The following PACSIN3 variants were observed in gnomAD, a reference collection of about 807,000 sequenced individuals.
PACSIN3 encodes protein kinase C and casein kinase substrate in neurons protein 3.
A neutral mutation model predicts 56.1 loss-of-function variants in PACSIN3; 34 were observed. The observed-to-expected ratio is 0.61, with a 90% CI of 0.46 to 0.81. PACSIN3 has a LOEUF of 0.81. Among genes scored for constraint, PACSIN3 ranks in the 30% least tolerant of loss-of-function variants. PACSIN3 has a pLI of 0.00. For synonymous variants in PACSIN3, 218 were observed against 229.8 expected, an observed-to-expected ratio of 0.95 and a Z score of 0.46; for missense variants, 535 against 592.4, an observed-to-expected ratio of 0.90 and a Z score of 1.01.
In PACSIN3 at chr11:47,186,124, C is replaced by T. The variant is rs566269537; in HGVS notation, c.-104+225G>A. ...CTCAGCCCTCCAGCGCCGGCGCCGCCTCCCCCGGGCGGCCTGCGGAATTGC... is the reference window on the plus strand; with the variant it reads ...CTCAGCCCTCCAGCGCCGGCGCCGCTTCCCCCGGGCGGCCTGCGGAATTGC... On this transcript the variant is annotated intron_variant, in intron 1 of 10. Coordinates refer to ENST00000298838, the MANE Select transcript of PACSIN3 (RefSeq NM_016223.5). This position sits in a 1 kb window ranked among gnomAD's most constrained non-coding sequence, Gnocchi z 4.5. 1.6e-3 allele frequency among the ~76,000 whole-genome samples: 242 copies of T among 152,146 alleles called. No individual in the cohort carries two copies. The highest frequency in any genetic ancestry group is 5.6e-3 in the African/African-American group (233 of 41,544).
intron 5 of PACSIN3, 35 bp downstream of exon 5, chr11:47,180,420 A>C (rs769753746): frequency 6.3e-7 from 1 of 1,593,410 alleles, no homozygotes; most frequent in African/African-American, 1.3e-5. Flanking sequence ...AACAGGAAGG[A>C]GCCTGTCTCG....
Position 47,179,527 on chromosome 11 carries a change from C to T in PACSIN3, c.663G>A (p.Met221Ile), listed in dbSNP as rs1463381824. 3 of 1,613,836 alleles carry T rather than the reference C, an allele frequency of 1.9e-6. No homozygotes were observed. Among genetic ancestry groups the T allele is most frequent in the East Asian group, 2.2e-5 (1 of 44,908 alleles). ...AELHRYTPRY[M>I]EDMEQAFETC... Reference sequence around the variant, plus strand: ...TCTCAAAGGCCTGTTCCATGTCCTCCATGTAGCGTGGAGTGTAGCGATGCA... The same window carrying T: ...TCTCAAAGGCCTGTTCCATGTCCTCTATGTAGCGTGGAGTGTAGCGATGCA... The change falls in exon 7 of 11, where the codon ATG becomes ATA. Residue 221 changes from methionine to isoleucine, a missense_variant. By Grantham distance (10) the Met-to-Ile change is conservative. Coordinates refer to ENST00000298838, the MANE Select transcript of PACSIN3 (RefSeq NM_016223.5). The surrounding 1 kb of genome is among the most constrained non-coding windows in gnomAD (Gnocchi z 4.4).
Position 47,180,379 on chromosome 11 carries a change from A to G in PACSIN3, c.448-38T>C, listed in dbSNP as rs116214112. On this transcript the variant is annotated intron_variant, in intron 5 of 10. Coordinates refer to ENST00000298838, the MANE Select transcript of PACSIN3 (RefSeq NM_016223.5). ...GAGACCACTCTGGACCCTGGATGCCACACCTTGGCCCCCTCGATCCCTTGC... is the reference window on the plus strand; with the variant it reads ...GAGACCACTCTGGACCCTGGATGCCGCACCTTGGCCCCCTCGATCCCTTGC... 4,207 of 1,600,302 alleles carry G rather than the reference A, an allele frequency of 2.6e-3. 105 individuals are homozygous for G. The African/African-American group carries it at 0.051, about 19-fold the overall frequency.
chr11:47,179,323 T>G lies in PACSIN3; in HGVS notation c.780-44A>C. On this transcript the variant is annotated intron_variant, in intron 7 of 10. Coordinates refer to ENST00000298838, the MANE Select transcript of PACSIN3 (RefSeq NM_016223.5). The surrounding 1 kb of genome is among the most constrained non-coding windows in gnomAD (Gnocchi z 4.4). ...CCCTCAGTCTAGGAAGTCTAGACCC[T>G]GCATCCCTCAGTCCCAGCCAGGGCC... is the stretch of plus-strand genomic sequence containing the variant. 2 of 1,613,814 alleles carry G rather than the reference T, an allele frequency of 1.2e-6. No individual in the cohort carries two copies. Among genetic ancestry groups the G allele is most frequent in the Non-Finnish European group, 8.5e-7 (1 of 1,179,928 alleles).
At position 47,177,864 on chromosome 11, in the gene PACSIN3, G is replaced by C. The variant is rs532192616; in HGVS notation, c.*67C>G. On this transcript the variant is annotated 3_prime_UTR_variant, in exon 11 of 11. Transcript: ENST00000298838. ...CGACGGTTCAGGGCCCTGAGGGTCC[G>C]GCTCTCCAGGAGAAGCTGGGCTCTG... 2 of 1,261,730 alleles carry C rather than the reference G, an allele frequency of 1.6e-6. No homozygotes were observed. The highest frequency in any genetic ancestry group is 2.4e-5 in the South Asian group (2 of 83,438). The allele number at this position is 1,261,730 out of a possible 1,614,324, so 78.2% of individuals were successfully genotyped here. A position where few individuals can be genotyped will look rare whatever the true frequency, so the allele number is the denominator to read the frequency against.
At chr11:47,181,118 C>G (rs1256339575) in intron 4 of PACSIN3, among the ~76,000 whole-genome samples, 1 of 152,030 alleles carries the variant, frequency 6.6e-6, no homozygotes, top group Admixed American at 6.6e-5. Flanking sequence ...AAAAATTAGC[C>G]GGGCATGGTG....
Position 47,180,532 on chromosome 11 carries a change from C to T in PACSIN3, c.370G>A (p.Gly124Ser). ...GCCGCCCGGCTCTCGCGGAAGCCGC[C>T]CAGCACAGGCCGGTGGAAAGCCCCC... ...QRGAFHRPVL[G>S]GFRESRAAED... is the part of the protein sequence containing the mutation. Residue 124 changes from glycine (G) to serine (S), a missense_variant, in exon 5 of 11, where the codon GGC becomes AGC. Gly to Ser is a moderately conservative substitution (Grantham distance 56, BLOSUM62 0). Coordinates refer to ENST00000298838, the MANE Select transcript of PACSIN3 (RefSeq NM_016223.5). The T allele has an allele frequency of 6.2e-7, 1 of 1,604,090 alleles. No homozygotes were observed.
In PACSIN3 at chr11:47,179,713, G is replaced by C. The variant is rs749732869; in HGVS notation, c.604-127C>G. On this transcript the variant is annotated intron_variant, in intron 6 of 10. Coordinates refer to ENST00000298838, the MANE Select transcript of PACSIN3 (RefSeq NM_016223.5). The surrounding 1 kb of genome is among the most constrained non-coding windows in gnomAD (Gnocchi z 4.4). Reference sequence around the variant, plus strand: ...AGCCACTAGGGGCAATCAGTCCCAAGACCCAGCTCCTGCCCTCAAGGACCC... The same window carrying C: ...AGCCACTAGGGGCAATCAGTCCCAACACCCAGCTCCTGCCCTCAAGGACCC... 1.2e-6 allele frequency: 1 copy of C among 842,640 alleles called. No homozygotes were observed. Among genetic ancestry groups the C allele is most frequent in the South Asian group, 1.8e-5 (1 of 56,506 alleles). The allele number at this position is 842,640 out of a possible 1,614,324, so 52.2% of individuals were successfully genotyped here.
rs781537335 is a variant in PACSIN3 at position 47,179,065 on chromosome 11, T to A, written c.901-35A>T. 6.2e-7 allele frequency: 1 copy of A among 1,614,028 alleles called. No individual in the cohort carries two copies. The highest frequency in any genetic ancestry group is 8.5e-7 in the Non-Finnish European group (1 of 1,179,950). On this transcript the variant is annotated intron_variant, in intron 8 of 10. Coordinates refer to ENST00000298838, the MANE Select transcript of PACSIN3 (RefSeq NM_016223.5). This position sits in a 1 kb window ranked among gnomAD's most constrained non-coding sequence, Gnocchi z 4.4. The stretch of plus-strand genomic sequence containing the variant: ...CAGTGCTTATAGTCAGGTGGGGCCA[T>A]CTGAACCACCTTCACTTACTTCATC...
rs1015487311 is a variant in PACSIN3 at position 47,186,164 on chromosome 11, C to G, written c.-104+185G>C. 2.6e-5 allele frequency among the ~76,000 whole-genome samples: 4 copies of G among 151,976 alleles called. No homozygotes were observed. The highest frequency in any genetic ancestry group is 2.6e-4 in the Admixed American group (4 of 15,272). On this transcript the variant is annotated intron_variant, in intron 1 of 10. Transcript: ENST00000298838. The surrounding 1 kb of genome is among the most constrained non-coding windows in gnomAD (Gnocchi z 4.5). ...TGCGGAATTGCGAAGCCCGCGGCAC[C>G]GCAGATGGGACGGCCCCTCGGCGCG...
In PACSIN3 at chr11:47,179,227, C is replaced by T. The variant is rs772870340; in HGVS notation, c.832G>A (p.Glu278Lys). 47 of 1,613,960 alleles carry T rather than the reference C, an allele frequency of 2.9e-5. No individual in the cohort carries two copies. The highest frequency in any genetic ancestry group is 8.0e-5 in the African/African-American group (6 of 74,942). ...CTGCGCCACCAGCGCAGATCCTCTT[C>T]GTCACTGGCTGCCTCAATGCCCTGG... ...LHQGIEAASDEEDLRWWRSTH... is the reference protein window; with the variant it reads ...LHQGIEAASDKEDLRWWRSTH... The change falls in exon 8 of 11, where the codon GAA becomes AAA. Residue 278 changes from glutamate (E) to lysine (K), a missense_variant. Coordinates refer to ENST00000298838, the MANE Select transcript of PACSIN3 (RefSeq NM_016223.5). This position sits in a 1 kb window ranked among gnomAD's most constrained non-coding sequence, Gnocchi z 4.4.
chr11:47,182,159 A>AG (rs1004190752), intron 4 of PACSIN3, among the ~76,000 whole-genome samples: 4 of 151,826 alleles, frequency 2.6e-5, no homozygotes, highest in African/African-American at 9.7e-5. Flanking sequence ...AAAAAAAAAA[A>AG]GAAAGGAAAG....
Position 47,178,562 on chromosome 11 carries a change from CA to C in PACSIN3, c.1038-76del. The C allele has an allele frequency of 6.4e-7, 1 of 1,551,406 alleles. No individual in the cohort carries two copies. On this transcript the variant is annotated intron_variant, in intron 9 of 10. Coordinates refer to ENST00000298838, the MANE Select transcript of PACSIN3 (RefSeq NM_016223.5). This position sits in a 1 kb window ranked among gnomAD's most constrained non-coding sequence, Gnocchi z 4.2. ...CTGGAGATCTCACCCAGGATCAGGG[CA>C]AAGGCCTCCCTACCCCCAGAGGCAC...
At position 47,180,350 on chromosome 11, in the gene PACSIN3, C is replaced by T; in HGVS notation, c.448-9G>A. 6.2e-7 allele frequency: 1 copy of T among 1,601,620 alleles called. No individual in the cohort carries two copies. The highest frequency in any genetic ancestry group is 1.7e-5 in the Admixed American group (1 of 60,028). On this transcript the variant is annotated splice_polypyrimidine_tract_variant and intron_variant, in intron 5 of 10. Coordinates refer to ENST00000298838, the MANE Select transcript of PACSIN3 (RefSeq NM_016223.5). ...TTCTTGGAAGCCTCAACCTGGCATG[C>T]ATGGAGACCACTCTGGACCCTGGAT... is the stretch of plus-strand genomic sequence containing the variant.
At chr11:47,180,419 G>A (rs747676750) in intron 5 of PACSIN3, 36 bp downstream of exon 5, 6 of 1,593,766 alleles carry the variant, frequency 3.8e-6, no homozygotes, top group Admixed American at 1.7e-5. Context: ...AAACAGGAAG[G>A]AGCCTGTCTC....
Position 47,179,664 on chromosome 11 carries a change from C to T in PACSIN3, c.604-78G>A. 1 of 1,418,470 alleles carries T rather than the reference C, an allele frequency of 7.0e-7. No homozygotes were observed. Among genetic ancestry groups the T allele is most frequent in the Non-Finnish European group, 9.6e-7 (1 of 1,036,924 alleles). The allele number at this position is 1,418,470 out of a possible 1,614,324, so 87.9% of individuals were successfully genotyped here. A position where few individuals can be genotyped will look rare whatever the true frequency, so the allele number is the denominator to read the frequency against. ...CTCCACCAGTGTTTACCAGACACTG[C>T]CATAGGCTGCTAGACCCAGGGCTAG... On this transcript the variant is annotated intron_variant, in intron 6 of 10. Coordinates refer to ENST00000298838, the MANE Select transcript of PACSIN3 (RefSeq NM_016223.5). The surrounding 1 kb of genome is among the most constrained non-coding windows in gnomAD (Gnocchi z 4.4).
chr11:47,182,266 G>A (rs1953039707), intron 4 of PACSIN3, 137 bp downstream of exon 4: 2 of 791,152 alleles, frequency 2.5e-6, no homozygotes, highest in South Asian at 4.0e-5. Context: ...CAGCCATGAG[G>A]ATGACCAGGA....
rs900512102 is a variant in PACSIN3 at position 47,179,952 on chromosome 11, G to C, written c.603+234C>G. Reference sequence around the variant, plus strand: ...CAAAGGGTACTGTGCAAGGAAAAGAGCTGGAAGTTCTCAACTGCTGAAGTC... The same window carrying C: ...CAAAGGGTACTGTGCAAGGAAAAGACCTGGAAGTTCTCAACTGCTGAAGTC... On this transcript the variant is annotated intron_variant, in intron 6 of 10. Transcript: ENST00000298838. This position sits in a 1 kb window ranked among gnomAD's most constrained non-coding sequence, Gnocchi z 4.4. Among the ~76,000 whole-genome samples, 1 of 152,218 alleles carries C rather than the reference G, an allele frequency of 6.6e-6. No individual in the cohort carries two copies. Among genetic ancestry groups the C allele is most frequent in the African/African-American group, 2.4e-5 (1 of 41,462 alleles).
At position 47,179,479 on chromosome 11, in the gene PACSIN3, C is replaced by T; in HGVS notation, c.711G>A (p.Gln237=). 6.2e-7 allele frequency: 1 copy of T among 1,614,058 alleles called. No homozygotes were observed. Among genetic ancestry groups the T allele is most frequent in the Non-Finnish European group, 8.5e-7 (1 of 1,180,042 alleles). Residue 237 remains glutamine, a synonymous_variant, in exon 7 of 11, where the codon CAG becomes CAA. Coordinates refer to ENST00000298838, the MANE Select transcript of PACSIN3 (RefSeq NM_016223.5). This position sits in a 1 kb window ranked among gnomAD's most constrained non-coding sequence, Gnocchi z 4.4. The stretch of plus-strand genomic sequence containing the variant: ...GCATATCCTTGAAGAAAAGAAGCCG[C>T]TGGCGCTCGGCGGCCTGGCAGGTCT... ...AFETCQAAER[Q]RLLFFKDMLL...
Sources: allele counts gnomAD v4.1 joint callset (sites outside exome capture counted in the v4.1 genomes callset), GRCh38; gene constraint gnomAD v4.1.1; non-coding constraint Gnocchi (gnomAD v3.1); transcripts MANE v1.5; gene names NCBI Gene and HGNC (gene_info 2026-07-23, HGNC 2026-07-21).